Variants in CCDC117 observed in about 807,000 individuals in gnomAD.
CCDC117 encodes coiled-coil domain containing 117, also known as coiled-coil domain-containing protein 117.
In CCDC117, 1 loss-of-function variant was observed where a neutral mutation model predicts 23.5. The ratio of observed to expected loss-of-function variants is 0.04; its 90% CI spans 0.02 to 0.20. The LOEUF (loss-of-function observed/expected upper bound fraction) is 0.20. Ranked by LOEUF, CCDC117 falls within the 10% of genes least tolerant of loss-of-function variation. CCDC117 has a pLI of 1.00. For missense variants in CCDC117, 383 were observed against 348.2 expected, an observed-to-expected ratio of 1.10 and a Z score of -0.80; for synonymous variants, 132 against 124.8, an observed-to-expected ratio of 1.06 and a Z score of -0.39.
At chr22:28,776,460 T>C in intron 2 of CCDC117, among the ~76,000 whole-genome samples, 1 of 152,048 alleles carries the variant, frequency 6.6e-6, no homozygotes, top group Non-Finnish European at 1.5e-5. Flanking sequence ...TTTTGCTCTG[T>C]TGCTCAGGCT....
chr22:28,783,462 C>G (rs1334266993), intron 3 of CCDC117, 46 bp from the exon 4 acceptor site: 1 of 1,571,868 alleles, frequency 6.4e-7, no homozygotes, highest in Non-Finnish European at 8.6e-7. Context: ...TATATAATAG[C>G]TTGACTAAAT....
rs762244050 is a variant in CCDC117, at chr22:28,788,264, T to C, written c.*1938T>C. ...CTTCTGCCTTGTAGTCATTGTTTGA[T>C]GGGACCAACTTGTAAAGTATGAGCC... is the stretch of plus-strand genomic sequence containing the variant. On this transcript the variant is annotated 3_prime_UTR_variant, in exon 5 of 5. Transcript: ENST00000249064. The C allele has an allele frequency of 9.2e-5, 14 of 152,686 alleles. No homozygotes were observed. Among genetic ancestry groups the C allele is most frequent in the Non-Finnish European group, 1.9e-4 (13 of 68,044 alleles). 9.5% of individuals were successfully genotyped at this position (152,686 alleles called of 1,614,324 possible). A position where few individuals can be genotyped will look rare whatever the true frequency, so the allele number is the denominator to read the frequency against.
intron 2 of CCDC117, 120 bp downstream of exon 2, chr22:28,773,898 G>C (rs183521400): frequency 1.0e-5 from 8 of 778,082 alleles, no homozygotes; most frequent in African/African-American, 3.5e-5. Context: ...AAGAGACACA[G>C]AAATTAGTGA....
chr22:28,774,808 G>A (rs2031116288), intron 2 of CCDC117, among the ~76,000 whole-genome samples: 1 of 151,568 alleles, frequency 6.6e-6, no homozygotes, highest in South Asian at 2.1e-4. Flanking sequence ...TCTTTTTTGA[G>A]ACAAGGCCTC....
Position 28,783,642 on chromosome 22 carries a change from C to T in CCDC117, c.599C>T (p.Ser200Phe). 6.2e-7 allele frequency: 1 copy of T among 1,611,902 alleles called. No homozygotes were observed. Among genetic ancestry groups the T allele is most frequent in the Non-Finnish European group, 8.5e-7 (1 of 1,179,274 alleles). Residue 200 changes from serine (S) to phenylalanine (F), a missense_variant, in exon 4 of 5, where the codon TCT (serine) becomes TTT (phenylalanine). Coordinates refer to ENST00000249064, the MANE Select transcript of CCDC117 (RefSeq NM_173510.4). ...DEVFTKKMIESMSRPSMELVL... is the reference protein window; with the variant it reads ...DEVFTKKMIEFMSRPSMELVL... Reference sequence around the variant, plus strand: ...GTTTTTACAAAGAAAATGATTGAGTCTATGTAAGTTTTGGTACCTGATTTC... The same window carrying T: ...GTTTTTACAAAGAAAATGATTGAGTTTATGTAAGTTTTGGTACCTGATTTC...
At chr22:28,773,645 T>G in intron 1 of CCDC117, 80 bp from the exon 2 acceptor site, 1 of 1,178,144 alleles carries the variant, frequency 8.5e-7, no homozygotes, top group Non-Finnish European at 1.3e-6. Context: ...TGAGCAAGAT[T>G]ATTGGAGCAA....
Position 28,786,236 on chromosome 22 carries a change from T to G in CCDC117, c.750T>G (p.Thr250=), listed in dbSNP as rs758929726. The G allele has an allele frequency of 1.9e-6, 3 of 1,614,154 alleles. No individual in the cohort carries two copies. In the East Asian group the frequency reaches 6.7e-5, roughly 36 times the overall value. ...CTGGCACTGCCTTCCCTCAGAGAAC[T>G]GAACTGTTTTCGGAACCTCGGCCAA... ...VAAGTAFPQR[T]ELFSEPRPTG... is the part of the protein sequence containing the mutation. The change falls in exon 5 of 5, where the codon ACT becomes ACG. Residue 250 remains threonine, a synonymous_variant. Transcript: ENST00000249064.
At chr22:28,775,110 A>T (rs1467288579) in intron 2 of CCDC117, among the ~76,000 whole-genome samples, 1 of 152,126 alleles carries the variant, frequency 6.6e-6, no homozygotes, top group Non-Finnish European at 1.5e-5. Flanking sequence ...AAAATACAAA[A>T]ATTAGCCATG....
intron 4 of CCDC117, among the ~76,000 whole-genome samples, chr22:28,784,025 A>G (rs1372166507): frequency 6.6e-6 from 1 of 152,212 alleles, no homozygotes; most frequent in African/African-American, 2.4e-5. Flanking sequence ...GCCTAGGAAA[A>G]AAAATAAAGT....
Position 28,773,774 on chromosome 22 carries a change from G to C in CCDC117, c.235G>C (p.Asp79His), listed in dbSNP as rs760344546. Reference protein sequence around the residue: ...KKHKREEEEDDDCPVRKKRIT... With the variant: ...KKHKREEEEDHDCPVRKKRIT... ...ACACAAGCGAGAGGAGGAGGAGGAT[G>C]ATGAGTAAGTTTCAGTGGTTGTTTA... The change falls in exon 2 of 5, where the codon GAT (aspartate) becomes CAT (histidine). Residue 79 changes from aspartate (D) to histidine (H), a missense_variant. Transcript: ENST00000249064. 1 of 1,613,428 alleles carries C rather than the reference G, an allele frequency of 6.2e-7. No individual in the cohort carries two copies. The highest frequency in any genetic ancestry group is 1.7e-5 in the Admixed American group (1 of 60,030).
intron 2 of CCDC117, among the ~76,000 whole-genome samples, chr22:28,779,911 G>A (rs2031271293): frequency 2.0e-5 from 3 of 152,200 alleles, no homozygotes; most frequent in Non-Finnish European, 4.4e-5. Flanking sequence ...AGGGCCGATT[G>A]ACTATTCAGC....
intron 3 of CCDC117, among the ~76,000 whole-genome samples, chr22:28,781,437 G>A (rs1462326501): frequency 2.2e-5 from 1 of 46,510 alleles, no homozygotes; most frequent in Non-Finnish European, 3.2e-5. Flanking sequence ...TGCAAGCTCC[G>A]CCTCCCGGGT....
chr22:28,784,511 CAGTG>C (rs1022851002), intron 4 of CCDC117, among the ~76,000 whole-genome samples: 2 of 152,184 alleles, frequency 1.3e-5, no homozygotes, highest in African/African-American at 4.8e-5. Context: ...GGACACCAGT[CAGTG>C]AGGGCAGATA....
intron 3 of CCDC117, among the ~76,000 whole-genome samples, chr22:28,783,093 G>T (rs2031400882): frequency 1.3e-5 from 2 of 152,030 alleles, no homozygotes. Flanking sequence ...CCACGCTGGT[G>T]TGCAATGGCA....
At chr22:28,784,717 C>T (rs1045027845) in intron 4 of CCDC117, among the ~76,000 whole-genome samples, 2 of 152,172 alleles carry the variant, frequency 1.3e-5, no homozygotes, top group South Asian at 2.1e-4. Flanking sequence ...AAATATAGCA[C>T]TTTCTGCTTT....
chr22:28,785,689 A>G (rs1396382712), intron 4 of CCDC117, among the ~76,000 whole-genome samples: 1 of 152,202 alleles, frequency 6.6e-6, no homozygotes, highest in Non-Finnish European at 1.5e-5. Flanking sequence ...CAATCACAGC[A>G]TCATTACAAC....
chr22:28,772,891 C>T lies in CCDC117; in HGVS notation c.42C>T (p.Ser14=), dbSNP rs911203600. The change falls in exon 1 of 5, where the codon AGC becomes AGT. Residue 14 remains serine (S), a synonymous_variant. Transcript: ENST00000249064. ...GGCCCTTCAGCGGCCTCCCTCTGAG[C>T]GGCGGCTCGGACTTCCTGCAGCCGC... The part of the protein sequence containing the change: ...LGRPFSGLPL[S]GGSDFLQPPQ... 3 of 1,234,776 alleles carry T rather than the reference C, an allele frequency of 2.4e-6. No individual in the cohort carries two copies. Among genetic ancestry groups the T allele is most frequent in the South Asian group, 3.6e-5 (1 of 27,972 alleles). The allele number at this position is 1,234,776 out of a possible 1,614,324, so 76.5% of individuals were successfully genotyped here. A position where few individuals can be genotyped will look rare whatever the true frequency, so the allele number is the denominator to read the frequency against.
Position 28,781,734 on chromosome 22 carries a change from C to T in CCDC117, c.464+562C>T, listed in dbSNP as rs1386986482. Among the ~76,000 whole-genome samples the T allele has an allele frequency of 5.9e-5, 9 of 152,060 alleles. 1 individual carries two copies. The South Asian group carries it at 1.7e-3, about 28-fold the overall frequency. On this transcript the variant is annotated intron_variant, in intron 3 of 4. Transcript: ENST00000249064. ...TCTTGGCTCAATGCAACCTCCACCT[C>T]CCGGGTTCAAGTGATTCTCCTGCCC... is the stretch of plus-strand genomic sequence containing the variant.
intron 3 of CCDC117, among the ~76,000 whole-genome samples, chr22:28,782,270 T>G (rs1413682018): frequency 6.9e-6 from 1 of 144,192 alleles, no homozygotes; most frequent in Non-Finnish European, 1.5e-5. Context: ...TTTTTTTTTT[T>G]TTTTTTGAAA....
Sources: allele counts gnomAD v4.1 joint callset (sites outside exome capture counted in the v4.1 genomes callset), GRCh38; gene constraint gnomAD v4.1.1; transcripts MANE v1.5; gene names NCBI Gene and HGNC (gene_info 2026-07-23, HGNC 2026-07-21).